Variants in ZDHHC21 observed in about 807,000 individuals in gnomAD.
ZDHHC21 encodes zDHHC palmitoyltransferase 21.
Under a neutral mutation model 34.6 loss-of-function variants are expected in ZDHHC21, and 15 were observed. The observed-to-expected ratio is 0.43, with a 90% CI of 0.29 to 0.67. ZDHHC21 has a LOEUF of 0.67. Ranked by LOEUF, ZDHHC21 falls within the 30% of genes least tolerant of loss-of-function variation. The pLI, the probability that ZDHHC21 is intolerant of heterozygous loss-of-function variation, is 0.14. For missense variants in ZDHHC21, 344 were observed against 327.7 expected (o/e 1.05, Z -0.38); for synonymous variants, 142 against 101.8 (o/e 1.40, Z -2.38).
chr9:14,607,578 A>G (rs1823053221), downstream of ZDHHC21, among the ~76,000 whole-genome samples: 1 of 151,426 alleles, frequency 6.6e-6, no homozygotes, highest in Admixed American at 6.6e-5. Flanking sequence ...TGGTAACGGC[A>G]ATTTTTTCCA....
At chr9:14,664,519 G>GGCCT (rs1564343444) in intron 5 of ZDHHC21, among the ~76,000 whole-genome samples, 1 of 151,712 alleles carries the variant, frequency 6.6e-6, no homozygotes. Context: ...AGCTCAAGGA[G>GGCCT]GCCTGCCTGC....
intron 8 of ZDHHC21, among the ~76,000 whole-genome samples, chr9:14,625,564 G>T (rs1247755805): frequency 6.6e-6 from 1 of 151,680 alleles, no homozygotes; most frequent in African/African-American, 2.4e-5. Flanking sequence ...GTTTTTGTGG[G>T]GATTAAATGA....
At chr9:14,648,457 T>C (rs960836098) in intron 7 of ZDHHC21, among the ~76,000 whole-genome samples, 2 of 152,028 alleles carry the variant, frequency 1.3e-5, no homozygotes, top group African/African-American at 2.4e-5. Context: ...TCATCTCCTA[T>C]TGCTCTGTCC....
chr9:14,665,793 A>G (rs1437254571), intron 5 of ZDHHC21, among the ~76,000 whole-genome samples: 2 of 148,106 alleles, frequency 1.4e-5, no homozygotes, highest in Non-Finnish European at 3.0e-5. Context: ...CAGACAAGCA[A>G]ATGCTGACCA....
At chr9:14,639,246 A>G (rs1828864044) in intron 8 of ZDHHC21, among the ~76,000 whole-genome samples, 1 of 152,090 alleles carries the variant, frequency 6.6e-6, no homozygotes, top group Non-Finnish European at 1.5e-5. Context: ...GTTAAATGAA[A>G]CAAACCAGGC....
rs555503884 is a variant in ZDHHC21, at chr9:14,636,868, C to T, written c.621+3028G>A. On this transcript the variant is annotated intron_variant, in intron 8 of 9. Coordinates refer to ENST00000380916, the MANE Select transcript of ZDHHC21 (RefSeq NM_178566.6). ...TTCTTAAAACAAATGAAAATGAAAA[C>T]GAAACATACCAAAACCTATGGACTA... 4.7e-4 allele frequency among the ~76,000 whole-genome samples: 72 copies of T among 152,046 alleles called. 1 individual carries two copies. Among genetic ancestry groups the T allele is most frequent in the Admixed American group, 2.9e-3 (45 of 15,276 alleles).
intron 8 of ZDHHC21, among the ~76,000 whole-genome samples, chr9:14,631,779 G>A (rs564184329): frequency 6.6e-6 from 1 of 152,164 alleles, no homozygotes; most frequent in South Asian, 2.1e-4. Context: ...GGAATGGCCA[G>A]TGAATGCAGC....
intron 5 of ZDHHC21, 44 bp downstream of exon 5, chr9:14,672,784 CAG>C (rs759475836): frequency 4.7e-6 from 6 of 1,277,012 alleles, no homozygotes; most frequent in African/African-American, 4.5e-5. Flanking sequence ...TAAATAAAGA[CAG>C]TAATTCTGGC....
intron 7 of ZDHHC21, among the ~76,000 whole-genome samples, chr9:14,643,102 C>A (rs1401383102): frequency 6.6e-6 from 1 of 152,046 alleles, no homozygotes; most frequent in South Asian, 2.1e-4. Flanking sequence ...AATAAAATAG[C>A]AGGGTACGGT....
chr9:14,666,676 G>C (rs1250738185), intron 5 of ZDHHC21, among the ~76,000 whole-genome samples: 2 of 104,678 alleles, frequency 1.9e-5, no homozygotes, highest in African/African-American at 6.4e-5. Flanking sequence ...AATCAAACTA[G>C]AACTCAGGAT....
chr9:14,626,774 C>T (rs1308838221), intron 8 of ZDHHC21, among the ~76,000 whole-genome samples: 1 of 151,680 alleles, frequency 6.6e-6, no homozygotes, highest in Admixed American at 6.6e-5. Flanking sequence ...ATATTATACC[C>T]AATTTTACTA....
intron 8 of ZDHHC21, among the ~76,000 whole-genome samples, chr9:14,630,627 C>G (rs570433287): frequency 1.3e-5 from 2 of 152,302 alleles, no homozygotes. Flanking sequence ...GAATCACTGT[C>G]TACAGCAGCT....
chr9:14,670,769 G>C (rs952471577), intron 5 of ZDHHC21, among the ~76,000 whole-genome samples: 1 of 151,936 alleles, frequency 6.6e-6, no homozygotes, highest in African/African-American at 2.4e-5. Context: ...TATATGTTTA[G>C]GGAACAGAGG....
chr9:14,686,980 C>A (rs75293843), intron 2 of ZDHHC21, among the ~76,000 whole-genome samples: 65 of 142,612 alleles, frequency 4.6e-4, no homozygotes, highest in Non-Finnish European at 4.7e-4. Flanking sequence ...CTCAAAAAAA[C>A]AAAAAAAAAA....
chr9:14,603,387 A>G, the ZDHHC21 span, among the ~76,000 whole-genome samples: 1 of 152,174 alleles, frequency 6.6e-6, no homozygotes, highest in Admixed American at 6.5e-5. Context: ...AATCCTCCTG[A>G]AATTTTTAAG....
chr9:14,681,170 G>C (rs928359480), intron 2 of ZDHHC21, among the ~76,000 whole-genome samples: 2 of 152,076 alleles, frequency 1.3e-5, no homozygotes, highest in African/African-American at 4.8e-5. Flanking sequence ...AAAGTTTAAG[G>C]AAGTGATATT....
intron 7 of ZDHHC21, among the ~76,000 whole-genome samples, chr9:14,652,474 T>C (rs2133846317): frequency 6.6e-6 from 1 of 152,084 alleles, no homozygotes; most frequent in East Asian, 1.9e-4. Flanking sequence ...AACATATAAA[T>C]CTTTGAACGT....
chr9:14,646,481 A>C (rs1022599052), intron 7 of ZDHHC21, among the ~76,000 whole-genome samples: 1 of 152,180 alleles, frequency 6.6e-6, no homozygotes, highest in African/African-American at 2.4e-5. Flanking sequence ...AACAGAGACA[A>C]AAATTTGTCA....
chr9:14,675,631 C>G (rs771463376), intron 3 of ZDHHC21, among the ~76,000 whole-genome samples: 23 of 152,038 alleles, frequency 1.5e-4, no homozygotes, highest in Admixed American at 6.6e-4. Flanking sequence ...ACACCTATCA[C>G]TTGCTAGACA....
Sources: allele counts gnomAD v4.1 joint callset (sites outside exome capture counted in the v4.1 genomes callset), GRCh38; gene constraint gnomAD v4.1.1; transcripts MANE v1.5; gene names NCBI Gene and HGNC (gene_info 2026-07-23, HGNC 2026-07-21).